Variants in ZNF148 observed in about 807,000 individuals in gnomAD.
ZNF148 encodes zinc finger protein 148.
A neutral mutation model predicts 67.7 loss-of-function variants in ZNF148; 7 were observed. That is an observed-to-expected ratio of 0.10 (90% CI 0.06 to 0.19). The LOEUF is 0.19. Among genes scored for constraint, ZNF148 ranks in the 10% least tolerant of loss-of-function variants. The probability of loss-of-function intolerance (pLI) is 1.00; values close to 1 mark genes in which losing one functional copy is unlikely to be tolerated. For missense variants in ZNF148, 583 were observed against 947.1 expected (o/e 0.62, Z 5.05); for synonymous variants, 333 against 330.7 (o/e 1.01, Z -0.08).
At chr3:125,297,402 G>T (rs982977771) in intron 4 of ZNF148, among the ~76,000 whole-genome samples, 4 of 151,986 alleles carry the variant, frequency 2.6e-5, no homozygotes, top group Admixed American at 2.0e-4. Context: ...TTCTTAAGAA[G>T]GACACAAAAA....
At chr3:125,238,092 C>T (rs1005766033) in intron 7 of ZNF148, among the ~76,000 whole-genome samples, 1 of 152,052 alleles carries the variant, frequency 6.6e-6, no homozygotes, top group Non-Finnish European at 1.5e-5. Context: ...TAGACCCCCC[C>T]CAACCAACTC....
At position 125,227,858 on chromosome 3, in the gene ZNF148, G is replaced by C. The variant is rs994543411; in HGVS notation, c.*4483C>G. On this transcript the variant is annotated 3_prime_UTR_variant, in exon 9 of 9. Coordinates refer to ENST00000360647, the MANE Select transcript of ZNF148 (RefSeq NM_021964.3). ...AAAACATTTTTTCCTATAAAATGTA[G>C]GTCATATACATTTATAAATTGGCGG... is the stretch of plus-strand genomic sequence containing the variant. 1 of 152,548 alleles carries C rather than the reference G, an allele frequency of 6.6e-6. No homozygotes were observed. Among genetic ancestry groups the C allele is most frequent in the African/African-American group, 2.4e-5 (1 of 41,436 alleles). 9.4% of individuals were successfully genotyped at this position (152,548 alleles called of 1,614,324 possible).
Position 125,228,144 on chromosome 3 carries a change from C to T in ZNF148, c.*4197G>A, listed in dbSNP as rs1458603183. 3.3e-5 allele frequency: 5 copies of T among 152,580 alleles called. No individual in the cohort carries two copies. The highest frequency in any genetic ancestry group is 3.3e-4 in the Admixed American group (5 of 15,268). 9.5% of individuals were successfully genotyped at this position (152,580 alleles called of 1,614,324 possible). The stretch of plus-strand genomic sequence containing the variant: ...CTGAAGTCACCTCAAAACTTACGGG[C>T]TTGAATCTAAAACAGAAACAAATAT... On this transcript the variant is annotated 3_prime_UTR_variant, in exon 9 of 9. Transcript: ENST00000360647.
chr3:125,310,410 T>TGAA (rs1940138408), intron 4 of ZNF148, among the ~76,000 whole-genome samples: 1 of 152,130 alleles, frequency 6.6e-6, no homozygotes, highest in Admixed American at 6.6e-5. Flanking sequence ...AATTTTAAAA[T>TGAA]ATATTGAACT....
intron 1 of ZNF148, among the ~76,000 whole-genome samples, chr3:125,346,198 A>T (rs1371057221): frequency 1.3e-5 from 2 of 152,236 alleles, no homozygotes; most frequent in Non-Finnish European, 2.9e-5. Flanking sequence ...ACACCACATC[A>T]ATAGAACAAA....
chr3:125,248,319 C>CG (rs1936691600), intron 7 of ZNF148, among the ~76,000 whole-genome samples: 2 of 152,116 alleles, frequency 1.3e-5, no homozygotes, highest in South Asian at 4.1e-4. Flanking sequence ...TATAAGCCCC[C>CG]CAATTTCCAG....
At chr3:125,357,669 G>C (rs1441257000) in intron 1 of ZNF148, 2 of 152,388 alleles carry the variant, frequency 1.3e-5, no homozygotes, top group African/African-American at 4.8e-5. Flanking sequence ...GGGAATATGA[G>C]GGCTCCCTAC....
chr3:125,308,126 G>A (rs760939601), intron 4 of ZNF148, among the ~76,000 whole-genome samples: 9 of 151,772 alleles, frequency 5.9e-5, no homozygotes, highest in East Asian at 1.9e-4. Context: ...TAAAACATAT[G>A]GACAATACAA....
At chr3:125,275,942 C>G (rs1016988803) in intron 7 of ZNF148, among the ~76,000 whole-genome samples, 1 of 152,184 alleles carries the variant, frequency 6.6e-6, no homozygotes, top group East Asian at 1.9e-4. Flanking sequence ...GTCTCTTCCT[C>G]AGGGCACAAT....
intron 7 of ZNF148, among the ~76,000 whole-genome samples, chr3:125,246,623 T>C (rs973793501): frequency 2.6e-5 from 4 of 152,206 alleles, no homozygotes; most frequent in African/African-American, 9.6e-5. Flanking sequence ...CAAAAAATGT[T>C]AGCTATTAAG....
At chr3:125,280,758 CA>C (rs1299591282) in intron 5 of ZNF148, among the ~76,000 whole-genome samples, 7,405 of 93,418 alleles carry the variant, frequency 0.079, 663 homozygotes, top group African/African-American at 0.26. Context: ...TTGACGAAAG[CA>C]AAAAAAAAAA....
At chr3:125,332,286 C>T (rs1399651527) in intron 1 of ZNF148, among the ~76,000 whole-genome samples, 1 of 152,146 alleles carries the variant, frequency 6.6e-6, no homozygotes, top group African/African-American at 2.4e-5. Context: ...CTCCTAATTG[C>T]TTGCCTCAAT....
intron 7 of ZNF148, among the ~76,000 whole-genome samples, chr3:125,267,560 G>A (rs1429673675): frequency 1.3e-5 from 2 of 148,254 alleles, no homozygotes; most frequent in Admixed American, 6.8e-5. Context: ...AAAAAACTAG[G>A]CATCAAAGGA....
rs1342476835 is a variant in ZNF148 at position 125,228,096 on chromosome 3, GAACT to G, written c.*4241_*4244del. ...GAAATGTAGTTATGAAATATGAAGAGAACTATCTATTTCACAATGGAGCTGAAGT... is the reference window on the plus strand; with the variant it reads ...GAAATGTAGTTATGAAATATGAAGAGATCTATTTCACAATGGAGCTGAAGT... On this transcript the variant is annotated 3_prime_UTR_variant, in exon 9 of 9. Transcript: ENST00000360647. 2 of 152,528 alleles carry G rather than the reference GAACT, an allele frequency of 1.3e-5. No individual in the cohort carries two copies. Among genetic ancestry groups the G allele is most frequent in the Non-Finnish European group, 2.9e-5 (2 of 68,012 alleles). The allele number at this position is 152,528 out of a possible 1,614,324, so 9.4% of individuals were successfully genotyped here.
chr3:125,285,563 A>C (rs1483123214), intron 5 of ZNF148, among the ~76,000 whole-genome samples: 3 of 151,998 alleles, frequency 2.0e-5, no homozygotes, highest in Non-Finnish European at 4.4e-5. Context: ...TTAAAAAAAA[A>C]AAAAAACAAA....
Position 125,242,012 on chromosome 3 carries a change from C to T in ZNF148, c.668-7683G>A, listed in dbSNP as rs1936387904. ...TTATATTTCATCTTCTGCGAACTGT[C>T]TGCTCGTATCTTCCACCTACTTTTT... On this transcript the variant is annotated intron_variant, in intron 7 of 8. Transcript: ENST00000360647. Among the ~76,000 whole-genome samples, 7 of 152,170 alleles carry T rather than the reference C, an allele frequency of 4.6e-5. No individual in the cohort carries two copies. The South Asian group carries it at 1.4e-3, about 31-fold the overall frequency.
chr3:125,293,657 A>G (rs1939136759), intron 4 of ZNF148, among the ~76,000 whole-genome samples: 2 of 152,248 alleles, frequency 1.3e-5, no homozygotes, highest in Admixed American at 6.5e-5. Flanking sequence ...CAAGAACGTA[A>G]GCAACAACAG....
At chr3:125,284,727 T>G (rs1938567237) in intron 5 of ZNF148, among the ~76,000 whole-genome samples, 1 of 152,164 alleles carries the variant, frequency 6.6e-6, no homozygotes, top group Non-Finnish European at 1.5e-5. Context: ...TAAGCTTCTA[T>G]TATGTAGAAA....
At chr3:125,272,963 A>G (rs1157435487) in intron 7 of ZNF148, among the ~76,000 whole-genome samples, 1 of 152,212 alleles carries the variant, frequency 6.6e-6, no homozygotes, top group Non-Finnish European at 1.5e-5. Context: ...TCAGTTACAC[A>G]AACAGTATTC....
Sources: allele counts gnomAD v4.1 joint callset (sites outside exome capture counted in the v4.1 genomes callset), GRCh38; gene constraint gnomAD v4.1.1; transcripts MANE v1.5; gene names NCBI Gene and HGNC (gene_info 2026-07-23, HGNC 2026-07-21).